GOLM2: variants seen among roughly 807,000 people sequenced by gnomAD.
The protein encoded by GOLM2 is golgi membrane protein 2.
A neutral mutation model predicts 55.9 loss-of-function variants in GOLM2; 26 were observed. The ratio of observed to expected loss-of-function variants is 0.47; its 90% CI spans 0.34 to 0.65. GOLM2 has a LOEUF of 0.65. Ranked by LOEUF, GOLM2 falls within the 30% of genes least tolerant of loss-of-function variation. The probability of loss-of-function intolerance (pLI) is 0.01; values close to 1 mark genes in which losing one functional copy is unlikely to be tolerated. For synonymous variants in GOLM2, 165 were observed against 194.6 expected (o/e 0.85, Z 1.27); for missense variants, 486 against 531.8 (o/e 0.91, Z 0.85).
intron 6 of GOLM2, among the ~76,000 whole-genome samples, chr15:44,352,903 T>C (rs912136552): frequency 2.2e-5 from 3 of 136,498 alleles, no homozygotes; most frequent in Admixed American, 1.5e-4. Flanking sequence ...CAAAACTCCA[T>C]CTCAAAAAAA....
chr15:44,380,831 C>G lies in GOLM2; in HGVS notation c.927C>G (p.Asn309Lys). 14 of 1,572,176 alleles carry G rather than the reference C, an allele frequency of 8.9e-6. No individual in the cohort carries two copies. Among genetic ancestry groups the G allele is most frequent in the Non-Finnish European group, 1.2e-5 (14 of 1,159,434 alleles). Residue 309 changes from asparagine (N) to lysine (K), a missense_variant, in exon 8 of 10, where the codon AAC (asparagine) becomes AAG (lysine). Transcript: ENST00000299957. Reference protein sequence around the residue: ...PPDSHINHNGNPGTSKQNPSS... With the variant: ...PPDSHINHNGKPGTSKQNPSS... ...ATTCACACATAAACCACAATGGAAA[C>G]CCCGGTACTTCAAAACAGAATCCTT... is the stretch of plus-strand genomic sequence containing the variant.
At chr15:44,335,593 C>T (rs1351346997) in intron 4 of GOLM2, among the ~76,000 whole-genome samples, 1 of 152,150 alleles carries the variant, frequency 6.6e-6, no homozygotes, top group Non-Finnish European at 1.5e-5. Flanking sequence ...GACATGCAAG[C>T]TGGCTGCTCA....
At chr15:44,313,985 C>T (rs932719754) in intron 1 of GOLM2, among the ~76,000 whole-genome samples, 13 of 152,096 alleles carry the variant, frequency 8.5e-5, no homozygotes, top group African/African-American at 3.1e-4. Flanking sequence ...TGCCTGTAAT[C>T]CCAACACTTT....
intron 8 of GOLM2, among the ~76,000 whole-genome samples, chr15:44,401,996 A>G (rs1425897944): frequency 6.6e-6 from 1 of 151,546 alleles, no homozygotes; most frequent in Non-Finnish European, 1.5e-5. Context: ...CGCCTGGCTA[A>G]TTTCTGTATT....
chr15:44,319,406 G>C (rs2078934085), intron 1 of GOLM2, among the ~76,000 whole-genome samples: 1 of 151,722 alleles, frequency 6.6e-6, no homozygotes, highest in South Asian at 2.1e-4. Flanking sequence ...TTTTTTATTA[G>C]AGATGAGATC....
At chr15:44,319,824 G>A (rs1028603050) in intron 1 of GOLM2, among the ~76,000 whole-genome samples, 9 of 151,816 alleles carry the variant, frequency 5.9e-5, no homozygotes, top group Non-Finnish European at 2.9e-5. Context: ...CCTGGCCTCA[G>A]GTGATCTGCC....
intron 4 of GOLM2, among the ~76,000 whole-genome samples, chr15:44,336,882 C>T (rs967143086): frequency 1.3e-5 from 2 of 152,080 alleles, no homozygotes; most frequent in Admixed American, 6.6e-5. Flanking sequence ...CGCCACTGCA[C>T]TCCAGCCTGG....
rs1287003622 is a variant in GOLM2, at chr15:44,414,681, T to G, written c.*1275T>G. The G allele has an allele frequency of 1.3e-5, 2 of 152,334 alleles. No homozygotes were observed. Among genetic ancestry groups the G allele is most frequent in the Non-Finnish European group, 2.9e-5 (2 of 68,042 alleles). 9.4% of individuals were successfully genotyped at this position (152,334 alleles called of 1,614,324 possible). ...TACTAAATAAGGAATTTTAACAGGT[T>G]TTTATTAATGCACAGATAAATAGAA... On this transcript the variant is annotated 3_prime_UTR_variant, in exon 10 of 10. Coordinates refer to ENST00000299957, the MANE Select transcript of GOLM2 (RefSeq NM_138423.4).
At chr15:44,376,027 A>C (rs1478990452) in intron 6 of GOLM2, among the ~76,000 whole-genome samples, 1 of 152,166 alleles carries the variant, frequency 6.6e-6, no homozygotes, top group Non-Finnish European at 1.5e-5. Flanking sequence ...ACCTGAGGTC[A>C]GGAGTTCGAG....
intron 9 of GOLM2, among the ~76,000 whole-genome samples, chr15:44,411,657 T>C (rs1012511003): frequency 6.6e-6 from 1 of 151,330 alleles, no homozygotes; most frequent in Admixed American, 6.6e-5. Context: ...CTGGCCAACA[T>C]GGTGAAACTA....
intron 6 of GOLM2, among the ~76,000 whole-genome samples, chr15:44,356,066 G>C (rs527590999): frequency 5.9e-5 from 9 of 152,086 alleles, no homozygotes; most frequent in Non-Finnish European, 1.2e-4. Flanking sequence ...AAAATTTATA[G>C]GATGCAGTGA....
chr15:44,353,127 A>G (rs1194314344), intron 6 of GOLM2, among the ~76,000 whole-genome samples: 3 of 152,238 alleles, frequency 2.0e-5, no homozygotes, highest in African/African-American at 7.2e-5. Flanking sequence ...AAGCAGATAT[A>G]TGAAAAAGTG....
At chr15:44,401,987 G>A (rs764113464) in intron 8 of GOLM2, among the ~76,000 whole-genome samples, 1 of 151,616 alleles carries the variant, frequency 6.6e-6, no homozygotes, top group Non-Finnish European at 1.5e-5. Context: ...CTGCCACCAC[G>A]CCTGGCTAAT....
intron 8 of GOLM2, among the ~76,000 whole-genome samples, chr15:44,390,664 G>T (rs1239813921): frequency 4.6e-5 from 7 of 151,554 alleles, no homozygotes; most frequent in African/African-American, 1.7e-4. Flanking sequence ...CCACCTCCCA[G>T]GTTCAAGTGA....
intron 4 of GOLM2, among the ~76,000 whole-genome samples, chr15:44,332,776 C>G (rs2141141455): frequency 6.6e-6 from 1 of 152,116 alleles, no homozygotes; most frequent in South Asian, 2.1e-4. Flanking sequence ...TCCTAAAGCA[C>G]AGAAATGAGA....
rs1346960872 is a variant in GOLM2 at position 44,289,454 on chromosome 15, A to T, written c.327+98A>T. 2.5e-5 allele frequency: 28 copies of T among 1,123,586 alleles called. No individual in the cohort carries two copies. Among genetic ancestry groups the T allele is most frequent in the Non-Finnish European group, 3.5e-5 (28 of 799,994 alleles). 69.6% of individuals were successfully genotyped at this position (1,123,586 alleles called of 1,614,324 possible). A position where few individuals can be genotyped will look rare whatever the true frequency, so the allele number is the denominator to read the frequency against. Reference sequence around the variant, plus strand: ...CGCTAGCTGTTGTCTTATGCCTTCCAGTATTTCAGTCCTGAAGGCTCCTTT... The same window carrying T: ...CGCTAGCTGTTGTCTTATGCCTTCCTGTATTTCAGTCCTGAAGGCTCCTTT... On this transcript the variant is annotated intron_variant, in intron 1 of 9. Transcript: ENST00000299957. This position sits in a 1 kb window ranked among gnomAD's most constrained non-coding sequence, Gnocchi z 4.8.
intron 2 of GOLM2, among the ~76,000 whole-genome samples, chr15:44,323,574 A>G (rs1292030097): frequency 6.6e-6 from 1 of 151,582 alleles, no homozygotes; most frequent in Non-Finnish European, 1.5e-5. Context: ...TGGAGAAAAA[A>G]AAAAAGCCCT....
chr15:44,318,631 C>T (rs958581419), intron 1 of GOLM2, among the ~76,000 whole-genome samples: 3 of 151,814 alleles, frequency 2.0e-5, no homozygotes, highest in Non-Finnish European at 4.4e-5. Flanking sequence ...ACGACTTGAA[C>T]CTGGGACGTG....
chr15:44,358,752 GACA>G (rs2141168594), intron 6 of GOLM2, among the ~76,000 whole-genome samples: 1 of 152,242 alleles, frequency 6.6e-6, no homozygotes, highest in South Asian at 2.1e-4. Context: ...AAAACTAGAA[GACA>G]ACAAGAGAAA....
Sources: allele counts gnomAD v4.1 joint callset (sites outside exome capture counted in the v4.1 genomes callset), GRCh38; gene constraint gnomAD v4.1.1; non-coding constraint Gnocchi (gnomAD v3.1); transcripts MANE v1.5; gene names NCBI Gene and HGNC (gene_info 2026-07-23, HGNC 2026-07-21).